KCNIP1: variants seen among roughly 807,000 people sequenced by gnomAD.
The protein encoded by KCNIP1 is A-type potassium channel modulatory protein KCNIP1.
Under a neutral mutation model 33.0 loss-of-function variants are expected in KCNIP1, and 18 were observed. The ratio of observed to expected loss-of-function variants is 0.55; its 90% CI spans 0.38 to 0.81. The LOEUF (loss-of-function observed/expected upper bound fraction) is 0.81, where lower values mean the gene tolerates loss of function less well. Ranked by LOEUF, KCNIP1 falls within the 30% of genes least tolerant of loss-of-function variation. KCNIP1 has a pLI of 0.00. For missense variants in KCNIP1, 238 were observed against 271.6 expected, an observed-to-expected ratio of 0.88 and a Z score of 0.87; for synonymous variants, 93 against 98.3, an observed-to-expected ratio of 0.95 and a Z score of 0.32.
At chr5:170,595,352 T>C (rs1758408035) in intron 1 of KCNIP1, among the ~76,000 whole-genome samples, 1 of 152,110 alleles carries the variant, frequency 6.6e-6, no homozygotes, top group Admixed American at 6.5e-5. Context: ...GTTCCATCAG[T>C]GGTGGGATTG....
At chr5:170,379,951 C>CA (rs113260730) in intron 1 of KCNIP1, among the ~76,000 whole-genome samples, 2,036 of 103,298 alleles carry the variant, frequency 0.02, 17 homozygotes, top group Middle Eastern at 0.048. Context: ...GATCCCATTT[C>CA]AAAAAAAAAA....
chr5:170,416,514 A>T (rs1227296465), intron 1 of KCNIP1, among the ~76,000 whole-genome samples: 4 of 152,164 alleles, frequency 2.6e-5, no homozygotes, highest in African/African-American at 9.7e-5. Flanking sequence ...GCCTTGTCAC[A>T]GGGGCCTTCC....
At chr5:170,729,961 A>T (rs1173864171) in intron 5 of KCNIP1, among the ~76,000 whole-genome samples, 3 of 152,230 alleles carry the variant, frequency 2.0e-5, no homozygotes, top group East Asian at 1.9e-4. Flanking sequence ...GATAGCCATG[A>T]TATCCACTAA....
intron 1 of KCNIP1, among the ~76,000 whole-genome samples, chr5:170,357,178 T>G (rs971500682): frequency 2.6e-5 from 4 of 151,480 alleles, no homozygotes; most frequent in Admixed American, 6.6e-5. Context: ...AGGAGCACAG[T>G]TGGTTTCTAG....
intron 1 of KCNIP1, among the ~76,000 whole-genome samples, chr5:170,636,009 T>G (rs1357159199): frequency 6.6e-6 from 1 of 152,212 alleles, no homozygotes; most frequent in Non-Finnish European, 1.5e-5. Context: ...GACAGGCAAG[T>G]TCTCCCAGAT....
rs116519689 is a variant in KCNIP1, at chr5:170,467,024, G to A, written c.88+113060G>A. Among the ~76,000 whole-genome samples the A allele has an allele frequency of 7.5e-3, 1,143 of 152,228 alleles. 18 individuals carry two copies. Among genetic ancestry groups the A allele is most frequent in the African/African-American group, 0.027 (1,104 of 41,538 alleles). Reference sequence around the variant, plus strand: ...CTGAGAATGTGAGTGTAATAAAACCGAGACTCAAAAGTAGGCATTGGATGT... The same window carrying A: ...CTGAGAATGTGAGTGTAATAAAACCAAGACTCAAAAGTAGGCATTGGATGT... On this transcript the variant is annotated intron_variant, in intron 1 of 7. Transcript: ENST00000377360.
intron 1 of KCNIP1, among the ~76,000 whole-genome samples, chr5:170,598,542 A>G (rs1236874986): frequency 6.6e-6 from 1 of 152,158 alleles, no homozygotes; most frequent in Non-Finnish European, 1.5e-5. Flanking sequence ...AAACCCCCAG[A>G]AAAAAGCAAG....
intron 1 of KCNIP1, among the ~76,000 whole-genome samples, chr5:170,467,917 C>CA (rs55671124): frequency 0.11 from 4,361 of 39,966 alleles, 263 homozygotes; most frequent in Admixed American, 0.21. Context: ...GATTCCATCT[C>CA]AAAAAAAAAA....
intron 1 of KCNIP1, among the ~76,000 whole-genome samples, chr5:170,598,447 G>A (rs1163379828): frequency 6.6e-6 from 1 of 152,128 alleles, no homozygotes; most frequent in East Asian, 1.9e-4. Flanking sequence ...GGATAGCCTG[G>A]GTTCAAATTC....
intron 1 of KCNIP1, among the ~76,000 whole-genome samples, chr5:170,623,283 G>C (rs112709067): frequency 0.066 from 9,938 of 151,226 alleles, 380 homozygotes; most frequent in Non-Finnish European, 0.084. Flanking sequence ...GCACGATCTC[G>C]ACTCTTCAAC....
At chr5:170,563,702 A>T (rs1407610741) in intron 1 of KCNIP1, among the ~76,000 whole-genome samples, 1 of 152,082 alleles carries the variant, frequency 6.6e-6, no homozygotes, top group Non-Finnish European at 1.5e-5. Context: ...GTGCAATGGC[A>T]CAATCTTGGC....
At chr5:170,599,554 G>A (rs1388692950) in intron 1 of KCNIP1, among the ~76,000 whole-genome samples, 9 of 152,136 alleles carry the variant, frequency 5.9e-5, no homozygotes, top group Non-Finnish European at 8.8e-5. Flanking sequence ...GTAGACAAGT[G>A]GAGCTCAGAG....
intron 1 of KCNIP1, among the ~76,000 whole-genome samples, chr5:170,367,712 C>T (rs1296116502): frequency 6.6e-6 from 1 of 152,246 alleles, no homozygotes; most frequent in African/African-American, 2.4e-5. Context: ...CAGAACCGTT[C>T]CTGAAATCTG....
intron 1 of KCNIP1, among the ~76,000 whole-genome samples, chr5:170,632,512 G>A (rs571094577): frequency 5.3e-4 from 81 of 152,368 alleles, no homozygotes; most frequent in African/African-American, 1.8e-3. Context: ...GGCGGGAGAT[G>A]AGGAGGAGCA....
At chr5:170,445,300 C>T (rs1027067539) in intron 1 of KCNIP1, among the ~76,000 whole-genome samples, 75 of 136,532 alleles carry the variant, frequency 5.5e-4, no homozygotes, top group Admixed American at 1.8e-3. Flanking sequence ...GATGCTCATT[C>T]GTTGAATGAA....
intron 4 of KCNIP1, 86 bp from the exon 5 acceptor site, chr5:170,722,627 G>A: frequency 1.1e-6 from 1 of 884,200 alleles, no homozygotes; most frequent in East Asian, 2.5e-5. Flanking sequence ...CATTCTGTGA[G>A]AGTATCACAG....
At chr5:170,567,208 C>T (rs1757234335) in intron 1 of KCNIP1, among the ~76,000 whole-genome samples, 1 of 152,214 alleles carries the variant, frequency 6.6e-6, no homozygotes, top group Non-Finnish European at 1.5e-5. Context: ...TAAGTATCTA[C>T]TCACTGCTAA....
intron 1 of KCNIP1, among the ~76,000 whole-genome samples, chr5:170,617,920 C>A (rs941641285): frequency 6.6e-6 from 1 of 152,136 alleles, no homozygotes; most frequent in African/African-American, 2.4e-5. Flanking sequence ...AAATAAGATG[C>A]AGGAGAGAAT....
chr5:170,441,634 C>T (rs941763839), intron 1 of KCNIP1, among the ~76,000 whole-genome samples: 8 of 152,074 alleles, frequency 5.3e-5, no homozygotes, highest in African/African-American at 1.9e-4. Flanking sequence ...CAGAACCATC[C>T]CAGGGCTTGG....
Sources: gnomAD v4.1 joint callset for allele counts (sites outside exome capture counted in the v4.1 genomes callset) on GRCh38, gnomAD v4.1.1 for gene constraint, MANE v1.5 for transcripts, NCBI Gene and HGNC (gene_info 2026-07-23, HGNC 2026-07-21) for gene names.